The following SFXN5 variants were observed in gnomAD, a reference collection of about 807,000 sequenced individuals.
SFXN5 encodes the protein sideroflexin-5.
In SFXN5, 43 loss-of-function variants were observed where a neutral mutation model predicts 50.2. That is an observed-to-expected ratio of 0.86 (90% CI 0.67 to 1.11). The LOEUF is 1.11. Among genes scored for constraint, SFXN5 ranks in the 50% least tolerant of loss-of-function variants. The pLI, the probability that SFXN5 is intolerant of heterozygous loss-of-function variation, is 0.00. For synonymous variants in SFXN5, 203 were observed against 185.8 expected, an observed-to-expected ratio of 1.09 and a Z score of -0.75; for missense variants, 463 against 454.1, an observed-to-expected ratio of 1.02 and a Z score of -0.18.
intron 1 of SFXN5, among the ~76,000 whole-genome samples, chr2:73,069,720 C>T (rs932685461): frequency 5.3e-5 from 8 of 151,910 alleles, no homozygotes; most frequent in African/African-American, 1.9e-4. Context: ...CAGCACAGGG[C>T]TCAGTCATAT....
intron 11 of SFXN5, among the ~76,000 whole-genome samples, chr2:72,969,529 G>C (rs1674898544): frequency 6.6e-6 from 1 of 151,922 alleles, no homozygotes; most frequent in African/African-American, 2.4e-5. Context: ...CGAGTAGCTG[G>C]GATTACAGGC....
chr2:72,994,802 C>T (rs1188361398), intron 9 of SFXN5: 1 of 152,564 alleles, frequency 6.6e-6, no homozygotes, highest in Non-Finnish European at 1.5e-5. Flanking sequence ...CACCTCTTGA[C>T]TGGCCCTGAT....
intron 9 of SFXN5, among the ~76,000 whole-genome samples, chr2:72,995,573 G>A (rs1673124484): frequency 6.6e-6 from 1 of 152,074 alleles, no homozygotes; most frequent in Admixed American, 6.5e-5. Context: ...CTGTCCCAAG[G>A]ACCTGCTTGC....
At chr2:72,956,649 G>A (rs370401207) in intron 13 of SFXN5, among the ~76,000 whole-genome samples, 56 of 152,242 alleles carry the variant, frequency 3.7e-4, no homozygotes, top group African/African-American at 1.3e-3. Flanking sequence ...GGTAAACAAG[G>A]AATATTGATA....
At chr2:73,041,368 T>C (rs1270088726) in intron 2 of SFXN5, among the ~76,000 whole-genome samples, 1 of 152,130 alleles carries the variant, frequency 6.6e-6, no homozygotes, top group East Asian at 1.9e-4. Flanking sequence ...GCAAGGGGTG[T>C]CACAAGGAAC....
At chr2:73,026,698 T>C (rs914887222) in intron 3 of SFXN5, among the ~76,000 whole-genome samples, 2 of 152,094 alleles carry the variant, frequency 1.3e-5, no homozygotes, top group Admixed American at 6.5e-5. Context: ...TAGTATGCCA[T>C]ACTTCTTATT....
intron 2 of SFXN5, chr2:73,041,507 T>C (rs1427493186): frequency 3.9e-6 from 1 of 255,950 alleles, no homozygotes; most frequent in African/African-American, 2.2e-5. Context: ...CTGACCAACA[T>C]GGTGAAACCC....
chr2:72,982,748 G>A (rs377582711), intron 10 of SFXN5, among the ~76,000 whole-genome samples: 8 of 152,234 alleles, frequency 5.3e-5, no homozygotes, highest in African/African-American at 1.7e-4. Flanking sequence ...GTAGTCGAGG[G>A]AGGGCAGAGG....
rs1057413476 is a variant in SFXN5, at chr2:72,945,665, C to T, written c.946-566G>A. On this transcript the variant is annotated intron_variant, in intron 13 of 13. Transcript: ENST00000272433. This position sits in a 1 kb window ranked among gnomAD's most constrained non-coding sequence, Gnocchi z 5.8. ...GTCCCGATTCCAGGGGCCATCCCTTCAGCTACTCCCTAGCCCAAGGGTCCC... is the reference window on the plus strand; with the variant it reads ...GTCCCGATTCCAGGGGCCATCCCTTTAGCTACTCCCTAGCCCAAGGGTCCC... Among the ~76,000 whole-genome samples the T allele has an allele frequency of 2.0e-5, 3 of 152,150 alleles. No individual in the cohort carries two copies. Among genetic ancestry groups the T allele is most frequent in the Admixed American group, 2.0e-4 (3 of 15,286 alleles).
At chr2:73,050,392 G>GCACACACACACACACACACACA (rs35090808) in intron 2 of SFXN5, among the ~76,000 whole-genome samples, 3 of 146,506 alleles carry the variant, frequency 2.0e-5, no homozygotes, top group Non-Finnish European at 3.0e-5. Flanking sequence ...CACAGCGCAC[G>GCACACACACACACACACACACA]CACACACACA....
At chr2:72,977,735 G>GAGGCC (rs1670797503) in intron 10 of SFXN5, among the ~76,000 whole-genome samples, 1 of 152,158 alleles carries the variant, frequency 6.6e-6, no homozygotes. Flanking sequence ...AGCACTTTGG[G>GAGGCC]AGGCCGATGT....
intron 10 of SFXN5, among the ~76,000 whole-genome samples, chr2:72,976,528 G>A (rs1670631850): frequency 1.3e-5 from 2 of 152,106 alleles, no homozygotes; most frequent in Admixed American, 1.3e-4. Flanking sequence ...TCTTTTATAT[G>A]CTTTGAAATT....
rs191530403 is a variant in SFXN5, at chr2:72,962,040, G to A, written c.828-792C>T. Among the ~76,000 whole-genome samples the A allele has an allele frequency of 1.3e-4, 20 of 152,358 alleles. No individual in the cohort carries two copies. The East Asian group carries it at 3.7e-3, about 28-fold the overall frequency. The stretch of plus-strand genomic sequence containing the variant: ...CTCCCTTTGGGGCCCAGGCTCCCCA[G>A]ACAGCGTGGGGACATACCAGCTGGC... On this transcript the variant is annotated intron_variant, in intron 12 of 13. Transcript: ENST00000272433.
At position 73,022,505 on chromosome 2, in the gene SFXN5, G is replaced by C. The variant is rs961334024; in HGVS notation, c.331+17C>G. On this transcript the variant is annotated intron_variant, in intron 5 of 13. Transcript: ENST00000272433. ...CACCCCAGGCTGACCAGAACCAGAA[G>C]GGCCCCAGGAGCTTACCTGACATTC... is the stretch of plus-strand genomic sequence containing the variant. 3.1e-6 allele frequency: 5 copies of C among 1,609,574 alleles called. No homozygotes were observed. The South Asian group carries it at 4.4e-5, about 14-fold the overall frequency.
At chr2:72,989,668 T>C (rs1343704541) in intron 9 of SFXN5, among the ~76,000 whole-genome samples, 1 of 150,820 alleles carries the variant, frequency 6.6e-6, no homozygotes, top group African/African-American at 2.4e-5. Context: ...AGGCTGGGAG[T>C]GGGGCTTTGC....
intron 10 of SFXN5, among the ~76,000 whole-genome samples, chr2:72,974,951 G>A (rs145682131): frequency 6.6e-6 from 1 of 152,108 alleles, no homozygotes; most frequent in Non-Finnish European, 1.5e-5. Flanking sequence ...ATTATTGATG[G>A]TATCAGCAGG....
chr2:72,944,761 TGAGTG>T lies in SFXN5; in HGVS notation c.*256_*260del. On this transcript the variant is annotated 3_prime_UTR_variant, in exon 14 of 14. Coordinates refer to ENST00000272433, the MANE Select transcript of SFXN5 (RefSeq NM_144579.3). Reference sequence around the variant, plus strand: ...TTTTCAGCTTCACACATAATTGTGCTGAGTGGAGTTTTGACAACCCCACATAAGGC... The same window carrying T: ...TTTTCAGCTTCACACATAATTGTGCTGAGTTTTGACAACCCCACATAAGGC... The T allele has an allele frequency of 2.2e-6, 1 of 456,540 alleles. No homozygotes were observed. Among genetic ancestry groups the T allele is most frequent in the Non-Finnish European group, 3.9e-6 (1 of 256,990 alleles). The allele number at this position is 456,540 out of a possible 1,614,324, so 28.3% of individuals were successfully genotyped here. A position where few individuals can be genotyped will look rare whatever the true frequency, so the allele number is the denominator to read the frequency against.
intron 13 of SFXN5, among the ~76,000 whole-genome samples, chr2:72,946,671 G>A (rs753457232): frequency 1.1e-4 from 17 of 152,092 alleles, no homozygotes; most frequent in East Asian, 1.9e-4. Context: ...TCTCCATCTC[G>A]GGAATGACGC....
At chr2:72,954,951 T>A (rs1672915993) in intron 13 of SFXN5, among the ~76,000 whole-genome samples, 1 of 152,224 alleles carries the variant, frequency 6.6e-6, no homozygotes, top group South Asian at 2.1e-4. Flanking sequence ...ATCTTCCAGC[T>A]GGGGAAACTG....
Sources: gnomAD v4.1 joint callset for allele counts (sites outside exome capture counted in the v4.1 genomes callset) on GRCh38, gnomAD v4.1.1 for gene constraint, Gnocchi (gnomAD v3.1) non-coding constraint, MANE v1.5 for transcripts, NCBI Gene and HGNC (gene_info 2026-07-23, HGNC 2026-07-21) for gene names.